The following HS6ST2 variants were observed in gnomAD, a reference collection of about 807,000 sequenced individuals.
HS6ST2 encodes the protein heparan sulfate 6-O-sulfotransferase 2.
Under a neutral mutation model 33.0 loss-of-function variants are expected in HS6ST2, and 17 were observed. The observed-to-expected ratio is 0.52, with a 90% CI of 0.35 to 0.77. HS6ST2 has a LOEUF of 0.77. Among genes scored for constraint, HS6ST2 ranks in the 30% least tolerant of loss-of-function variants. The pLI, the probability that HS6ST2 is intolerant of heterozygous loss-of-function variation, is 0.01. For synonymous variants in HS6ST2, 248 were observed against 237.1 expected, an observed-to-expected ratio of 1.05 and a Z score of -0.42; for missense variants, 519 against 551.7, an observed-to-expected ratio of 0.94 and a Z score of 0.59.
At chrX:132,760,567 T>C (rs1209691201) in intron 2 of HS6ST2, among the ~76,000 whole-genome samples, 1 of 112,060 alleles carries the variant, frequency 8.9e-6, no homozygotes, top group African/African-American at 3.2e-5. Flanking sequence ...GTCTCGGCTA[T>C]TTCTTTGTAG....
chrX:132,745,814 G>A (rs1283404311), intron 2 of HS6ST2, among the ~76,000 whole-genome samples: 1 of 112,105 alleles, frequency 8.9e-6, no homozygotes, highest in Non-Finnish European at 1.9e-5. Context: ...GTGTTTCCAA[G>A]GCTGACCCAT....
At chrX:132,845,825 C>T (rs766982753) in intron 2 of HS6ST2, among the ~76,000 whole-genome samples, 186 of 111,471 alleles carry the variant, frequency 1.7e-3, no homozygotes, top group African/African-American at 5.7e-3. Flanking sequence ...CCATCAAATA[C>T]GTTATTCATA....
intron 4 of HS6ST2, among the ~76,000 whole-genome samples, chrX:132,652,433 C>T (rs2063700593): frequency 8.9e-6 from 1 of 111,742 alleles, no homozygotes; most frequent in Non-Finnish European, 1.9e-5. Flanking sequence ...AGTGCCTATT[C>T]ATCACCCACA....
chrX:132,806,504 G>A (rs912275980), intron 2 of HS6ST2, among the ~76,000 whole-genome samples: 1 of 110,074 alleles, frequency 9.1e-6, no homozygotes, highest in African/African-American at 3.3e-5. Context: ...CAGAGACATG[G>A]CTAAATGTCT....
At chrX:132,833,563 G>A (rs1275960997) in intron 2 of HS6ST2, among the ~76,000 whole-genome samples, 3 of 111,038 alleles carry the variant, frequency 2.7e-5, no homozygotes, top group Non-Finnish European at 5.7e-5. Flanking sequence ...ACTGTAATCT[G>A]ATGCCCTCAG....
At chrX:132,647,854 C>A (rs920128825) in intron 4 of HS6ST2, among the ~76,000 whole-genome samples, 1 of 111,972 alleles carries the variant, frequency 8.9e-6, no homozygotes, top group Non-Finnish European at 1.9e-5. Context: ...TTTCTTTATG[C>A]AAGGCAATAT....
At chrX:132,727,459 T>C (rs1451262259) in intron 2 of HS6ST2, among the ~76,000 whole-genome samples, 3 of 110,649 alleles carry the variant, frequency 2.7e-5, no homozygotes, top group Non-Finnish European at 5.7e-5. Flanking sequence ...ATATACTCAA[T>C]AGTATATAAC....
At chrX:132,910,759 T>C (rs1231920281) in intron 2 of HS6ST2, among the ~76,000 whole-genome samples, 1 of 111,891 alleles carries the variant, frequency 8.9e-6, no homozygotes, top group Non-Finnish European at 1.9e-5. Context: ...GGGATGGTTT[T>C]ATATTTCTAG....
At chrX:132,743,726 C>G (rs2064605814) in intron 2 of HS6ST2, among the ~76,000 whole-genome samples, 1 of 111,707 alleles carries the variant, frequency 9.0e-6, no homozygotes, top group Non-Finnish European at 1.9e-5. Flanking sequence ...ACACCAAAGT[C>G]TGTGTCCTAT....
At chrX:132,957,373 C>T in intron 1 of HS6ST2, 47 bp from the exon 2 acceptor site, 1 of 1,118,543 alleles carries the variant, frequency 8.9e-7, no homozygotes, top group Non-Finnish European at 1.2e-6. Flanking sequence ...GCTCAGCCCG[C>T]GCTCGTCGTG....
intron 3 of HS6ST2, among the ~76,000 whole-genome samples, chrX:132,671,608 G>T (rs144540760): frequency 9.1e-6 from 1 of 109,695 alleles, no homozygotes; most frequent in Non-Finnish European, 1.9e-5. Flanking sequence ...AGCTGGCAGC[G>T]GCAGCCTCAT....
intron 2 of HS6ST2, among the ~76,000 whole-genome samples, chrX:132,898,986 G>A (rs754471701): frequency 2.8e-4 from 31 of 111,177 alleles, no homozygotes; most frequent in Non-Finnish European, 5.1e-4. Context: ...GTTCCTACCA[G>A]CAGAATGGAA....
rs1214754833 is a variant in HS6ST2 at position 132,944,503 on chromosome X, C to G, written c.947+12305G>C. On this transcript the variant is annotated intron_variant, in intron 2 of 4. Transcript: ENST00000370833. ...TTCTTCACAGAATTGGAAAAAACTA[C>G]TTTAAAGTTCATATGGAACCAAAAA... 8.9e-5 allele frequency among the ~76,000 whole-genome samples: 10 copies of G among 111,779 alleles called. No homozygotes were observed. The Admixed American group carries it at 9.5e-4, about 11-fold the overall frequency.
chrX:132,949,522 C>T (rs2066989061), intron 2 of HS6ST2, among the ~76,000 whole-genome samples: 2 of 110,428 alleles, frequency 1.8e-5, no homozygotes, highest in South Asian at 3.9e-4. Context: ...TCTGACTCAT[C>T]ACCTCTGCCT....
chrX:132,756,680 A>G (rs1375019179), intron 2 of HS6ST2, among the ~76,000 whole-genome samples: 1 of 109,683 alleles, frequency 9.1e-6, no homozygotes, highest in Non-Finnish European at 1.9e-5. Flanking sequence ...TACCTCTAAA[A>G]CACTGGCTTG....
chrX:132,841,258 C>T (rs976192476), intron 2 of HS6ST2, among the ~76,000 whole-genome samples: 1 of 111,271 alleles, frequency 9.0e-6, no homozygotes, highest in Admixed American at 9.6e-5. Context: ...GGAGGTTTTT[C>T]CCCCCAAAAT....
intron 4 of HS6ST2, among the ~76,000 whole-genome samples, chrX:132,657,184 C>T (rs763730275): frequency 5.4e-4 from 60 of 110,709 alleles, no homozygotes; most frequent in African/African-American, 1.8e-3. Context: ...GGTCGCACTG[C>T]CTCCCAAATT....
intron 2 of HS6ST2, among the ~76,000 whole-genome samples, chrX:132,945,861 GA>G (rs2066947897): frequency 1.5e-5 from 1 of 65,115 alleles, no homozygotes; most frequent in African/African-American, 6.1e-5. Context: ...GGGGTGGGGG[GA>G]GGGGGGAGGG....
In HS6ST2 at chrX:132,637,842, T is replaced by A. The variant is rs5977723; in HGVS notation, c.1068-8749A>T. ...TATATATAATATTATATATAATATT[T>A]TATATATAATATATATATAATATAT... On this transcript the variant is annotated intron_variant, in intron 4 of 4. Transcript: ENST00000370833. Among the ~76,000 whole-genome samples the A allele has an allele frequency of 3.6e-3, 146 of 40,778 alleles. 1 individual carries two copies. Among genetic ancestry groups the A allele is most frequent in the Middle Eastern group, 0.011 (1 of 95 alleles). 35.4% of individuals were successfully genotyped at this position (40,778 alleles called of 115,157 possible). A position where few individuals can be genotyped will look rare whatever the true frequency, so the allele number is the denominator to read the frequency against.
Sources: allele counts gnomAD v4.1 joint callset (sites outside exome capture counted in the v4.1 genomes callset), GRCh38; gene constraint gnomAD v4.1.1; transcripts MANE v1.5; gene names NCBI Gene and HGNC (gene_info 2026-07-23, HGNC 2026-07-21).